Variants in TXNL1 observed in about 807,000 individuals in gnomAD.
TXNL1 encodes thioredoxin like 1, also known as thioredoxin-like protein 1.
Under a neutral mutation model 35.5 loss-of-function variants are expected in TXNL1, and 14 were observed. That is an observed-to-expected ratio of 0.39 (90% CI 0.26 to 0.62). The LOEUF is 0.62. Among genes scored for constraint, TXNL1 ranks in the 20% least tolerant of loss-of-function variants. The probability of loss-of-function intolerance (pLI) is 0.47; values close to 1 mark genes in which losing one functional copy is unlikely to be tolerated. For synonymous variants in TXNL1, 110 were observed against 115.5 expected, an observed-to-expected ratio of 0.95 and a Z score of 0.31; for missense variants, 263 against 349.7, an observed-to-expected ratio of 0.75 and a Z score of 1.98.
At chr18:56,616,174 A>G (rs2024083754) in intron 5 of TXNL1, 71 bp downstream of exon 5, 1 of 1,405,120 alleles carries the variant, frequency 7.1e-7, no homozygotes. Context: ...TATTTAATAA[A>G]AAGTTTTAAT....
chr18:56,626,795 G>GTTTTTTTTTTTTTT, intron 1 of TXNL1, among the ~76,000 whole-genome samples: 1 of 29,050 alleles, frequency 3.4e-5, no homozygotes, highest in Non-Finnish European at 1.1e-4. Context: ...CACCAAGCCG[G>GTTTTTTTTTTTTTT]TCTTTTTTTT....
At chr18:56,627,953 A>T (rs887956139) in intron 1 of TXNL1, among the ~76,000 whole-genome samples, 2 of 152,076 alleles carry the variant, frequency 1.3e-5, no homozygotes, top group Non-Finnish European at 2.9e-5. Flanking sequence ...GAGACTAGGA[A>T]AAAGTATTTG....
At chr18:56,628,379 T>C (rs1282818549) in intron 1 of TXNL1, among the ~76,000 whole-genome samples, 1 of 152,148 alleles carries the variant, frequency 6.6e-6, no homozygotes, top group Non-Finnish European at 1.5e-5. Flanking sequence ...CTTAGAACAT[T>C]TGAAAAAGTA....
At chr18:56,614,345 C>A in intron 6 of TXNL1, 79 bp downstream of exon 6, 1 of 1,300,394 alleles carries the variant, frequency 7.7e-7, no homozygotes. Context: ...TAAAGAATCA[C>A]TTAGACTTAC....
chr18:56,630,430 T>C (rs931809161), intron 1 of TXNL1, among the ~76,000 whole-genome samples: 1 of 152,192 alleles, frequency 6.6e-6, no homozygotes, highest in African/African-American at 2.4e-5. Flanking sequence ...TAAACCCTTC[T>C]GGGGAACAAA....
chr18:56,617,408 A>C (rs921478901), intron 4 of TXNL1, among the ~76,000 whole-genome samples: 11 of 152,224 alleles, frequency 7.2e-5, no homozygotes, highest in African/African-American at 2.7e-4. Context: ...GAAACATGCA[A>C]CTTTATATTT....
At chr18:56,619,213 C>CAA (rs780757654) in intron 3 of TXNL1, among the ~76,000 whole-genome samples, 684 of 64,874 alleles carry the variant, frequency 0.011, 16 homozygotes, top group African/African-American at 0.032. Context: ...GACCCTGTCT[C>CAA]AAAAAAAAAA....
chr18:56,623,761 A>G (rs1010868590), intron 3 of TXNL1, among the ~76,000 whole-genome samples: 11 of 152,050 alleles, frequency 7.2e-5, no homozygotes, highest in African/African-American at 2.7e-4. Context: ...ATGTGATAAC[A>G]AAGTCAAATT....
At chr18:56,630,886 CTTTT>C (rs35788172) in intron 1 of TXNL1, among the ~76,000 whole-genome samples, 14,685 of 151,618 alleles carry the variant, frequency 0.097, 833 homozygotes, top group Non-Finnish European at 0.13. Context: ...CGATCATTTT[CTTTT>C]TTCTTTTTTT....
Position 56,614,598 on chromosome 18 carries a change from T to G in TXNL1, c.563-2A>C. On this transcript the variant is annotated splice_acceptor_variant, in intron 5 of 7. Transcript: ENST00000217515. LOFTEE classifies it high-confidence loss of function. ...TTTTTACATATTTAGGGCCCTGACC[T>G]ATACAATGGTAGAATAAAATAAAAT... 6.2e-7 allele frequency: 1 copy of G among 1,604,752 alleles called. No homozygotes were observed. Among genetic ancestry groups the G allele is most frequent in the Non-Finnish European group, 8.5e-7 (1 of 1,177,148 alleles).
intron 7 of TXNL1, among the ~76,000 whole-genome samples, chr18:56,603,569 GTTACT>G (rs2023842077): frequency 6.6e-6 from 1 of 151,906 alleles, no homozygotes; most frequent in Non-Finnish European, 1.5e-5. Context: ...AAAGATCCTG[GTTACT>G]TTAAGAGTAC....
At chr18:56,626,764 G>C (rs1221303256) in intron 1 of TXNL1, among the ~76,000 whole-genome samples, 1 of 141,218 alleles carries the variant, frequency 7.1e-6, no homozygotes, top group African/African-American at 2.6e-5. Context: ...CTCCCAAAGT[G>C]CTGGGATTAC....
At chr18:56,606,872 A>G (rs2023905300) in intron 7 of TXNL1, among the ~76,000 whole-genome samples, 1 of 152,226 alleles carries the variant, frequency 6.6e-6, no homozygotes, top group Admixed American at 6.5e-5. Context: ...GTACAATAAG[A>G]TATTTTGAGA....
At position 56,617,913 on chromosome 18, in the gene TXNL1, G is replaced by A. The variant is rs896413137; in HGVS notation, c.492+91C>T. ...AAAGGAAGAAGTGATCATCTGGGAAGGAGAGACGTAAGCCACAAAATGGGA... is the reference window on the plus strand; with the variant it reads ...AAAGGAAGAAGTGATCATCTGGGAAAGAGAGACGTAAGCCACAAAATGGGA... On this transcript the variant is annotated intron_variant, in intron 4 of 7. Transcript: ENST00000217515. The A allele has an allele frequency of 1.4e-5, 21 of 1,469,110 alleles. No individual in the cohort carries two copies. In the African/African-American group the frequency reaches 2.9e-4, roughly 20 times the overall value. The allele number at this position is 1,469,110 out of a possible 1,614,324, so 91.0% of individuals were successfully genotyped here.
intron 7 of TXNL1, chr18:56,609,898 T>C (rs924820927): frequency 1.6e-4 from 25 of 152,200 alleles, no homozygotes; most frequent in African/African-American, 5.3e-4. Context: ...AAAATAGTAA[T>C]TGGAAAACAA....
In TXNL1 at chr18:56,638,435, C is replaced by A; in HGVS notation, c.6G>T (p.Val2=). Residue 2 remains valine, a synonymous_variant, in exon 1 of 8, where the codon GTG becomes GTT. Coordinates refer to ENST00000217515, the MANE Select transcript of TXNL1 (RefSeq NM_004786.3). M[V]GVKPVGSDPD... is the part of the protein sequence containing the mutation. Reference sequence around the variant, plus strand: ...GGTCGCTCCCGACGGGCTTCACCCCCACCATCCTCACAGAGAGCCCGGCAG... The same window carrying A: ...GGTCGCTCCCGACGGGCTTCACCCCAACCATCCTCACAGAGAGCCCGGCAG... The A allele has an allele frequency of 6.2e-7, 1 of 1,612,580 alleles. No homozygotes were observed. Among genetic ancestry groups the A allele is most frequent in the Non-Finnish European group, 8.5e-7 (1 of 1,179,036 alleles).
At chr18:56,628,641 A>C (rs2024323933) in intron 1 of TXNL1, among the ~76,000 whole-genome samples, 1 of 152,220 alleles carries the variant, frequency 6.6e-6, no homozygotes, top group African/African-American at 2.4e-5. Flanking sequence ...TCAGAAATCA[A>C]GACAATGGTT....
At chr18:56,618,248 A>G (rs1404767954) in intron 3 of TXNL1, 122 bp from the exon 4 acceptor site, 2 of 1,094,868 alleles carry the variant, frequency 1.8e-6, no homozygotes, top group African/African-American at 1.6e-5. Flanking sequence ...AACAGTTCAT[A>G]AAACTTTTAC....
At chr18:56,605,723 A>AT (rs1233105995) in intron 7 of TXNL1, among the ~76,000 whole-genome samples, 1 of 152,202 alleles carries the variant, frequency 6.6e-6, no homozygotes, top group Non-Finnish European at 1.5e-5. Flanking sequence ...CGTGATGCCT[A>AT]TAAGAGCCAA....
Sources: gnomAD v4.1 joint callset for allele counts (sites outside exome capture counted in the v4.1 genomes callset) on GRCh38, gnomAD v4.1.1 for gene constraint, MANE v1.5 for transcripts, NCBI Gene and HGNC (gene_info 2026-07-23, HGNC 2026-07-21) for gene names.